The following DGCR2 variants were observed in gnomAD, a reference collection of about 807,000 sequenced individuals.
DGCR2 encodes the protein DiGeorge syndrome critical region gene 2.
In DGCR2, 24 loss-of-function variants were observed where a neutral mutation model predicts 51.6. That is an observed-to-expected ratio of 0.47 (90% CI 0.34 to 0.65). DGCR2 has a LOEUF of 0.65. Among genes scored for constraint, DGCR2 ranks in the 30% least tolerant of loss-of-function variants. The pLI, the probability that DGCR2 is intolerant of heterozygous loss-of-function variation, is 0.01. For synonymous variants in DGCR2, 340 were observed against 315.4 expected, an observed-to-expected ratio of 1.08 and a Z score of -0.82; for missense variants, 765 against 772.1, an observed-to-expected ratio of 0.99 and a Z score of 0.11.
intron 2 of DGCR2, among the ~76,000 whole-genome samples, chr22:19,075,407 A>C (rs994132976): frequency 6.6e-6 from 1 of 151,964 alleles, no homozygotes; most frequent in Non-Finnish European, 1.5e-5. Context: ...AGATCGTGCC[A>C]CTGCACTCCA....
At chr22:19,082,053 GGGTTTTTTTT>G (rs1233522687) in intron 2 of DGCR2, among the ~76,000 whole-genome samples, 3 of 130,076 alleles carry the variant, frequency 2.3e-5, no homozygotes, top group African/African-American at 5.5e-5. Context: ...GTGTTTTTTG[GGGTTTTTTTT>G]GTTTTTTTTT....
chr22:19,060,368 G>A (rs1056271485), intron 5 of DGCR2, among the ~76,000 whole-genome samples: 1 of 152,190 alleles, frequency 6.6e-6, no homozygotes, highest in African/African-American at 2.4e-5. Context: ...GATTTTGGGG[G>A]AGAAAAGAAG....
At chr22:19,120,562 G>A (rs2083421269) in intron 1 of DGCR2, among the ~76,000 whole-genome samples, 1 of 152,166 alleles carries the variant, frequency 6.6e-6, no homozygotes, top group Admixed American at 6.5e-5. Context: ...GAAAAGGCTG[G>A]CAAGGAAAAA....
chr22:19,068,519 G>C (rs930880268), intron 2 of DGCR2, among the ~76,000 whole-genome samples: 2 of 152,234 alleles, frequency 1.3e-5, no homozygotes, highest in Non-Finnish European at 2.9e-5. Context: ...GCACAGCAAA[G>C]GGTCCTGCAT....
chr22:19,062,773 A>ATTCTCTCTCTC (rs1248707469), intron 5 of DGCR2, among the ~76,000 whole-genome samples: 1 of 113,172 alleles, frequency 8.8e-6, no homozygotes, highest in Non-Finnish European at 2.0e-5. Flanking sequence ...ACACACATGC[A>ATTCTCTCTCTC]TGCTCACTCT....
chr22:19,095,699 T>C (rs2083132321), intron 1 of DGCR2, among the ~76,000 whole-genome samples: 1 of 151,124 alleles, frequency 6.6e-6, no homozygotes, highest in African/African-American at 2.4e-5. Context: ...TTACACTTTA[T>C]GTATCATTTA....
At chr22:19,119,735 CAAAA>C (rs57362176) in intron 1 of DGCR2, among the ~76,000 whole-genome samples, 5 of 78,152 alleles carry the variant, frequency 6.4e-5, no homozygotes, top group Admixed American at 3.0e-4. Flanking sequence ...GACTCTGTCT[CAAAA>C]AAAAAAAAAA....
At chr22:19,042,018 G>C in intron 7 of DGCR2, 59 bp from the exon 8 acceptor site, 1 of 1,559,884 alleles carries the variant, frequency 6.4e-7, no homozygotes, top group Non-Finnish European at 8.7e-7. Flanking sequence ...GTGCTACGCT[G>C]GGGATGCTGT....
chr22:19,082,838 A>C (rs2082956059), intron 2 of DGCR2, among the ~76,000 whole-genome samples: 1 of 152,046 alleles, frequency 6.6e-6, no homozygotes. Context: ...CCCGTAATCC[A>C]GGCACTCTGG....
chr22:19,060,563 C>G (rs1205208906), intron 5 of DGCR2: 2 of 179,078 alleles, frequency 1.1e-5, no homozygotes, highest in South Asian at 2.0e-4. Context: ...AAGTATGACT[C>G]ACCAGACAGA....
chr22:19,075,678 T>C (rs1165639001), intron 2 of DGCR2, among the ~76,000 whole-genome samples: 5 of 152,218 alleles, frequency 3.3e-5, no homozygotes, highest in Non-Finnish European at 7.3e-5. Context: ...AATGGAAACA[T>C]ACAGTATTTG....
rs189391867 is a variant in DGCR2, at chr22:19,087,857, G to T, written c.202+1511C>A. Among the ~76,000 whole-genome samples the T allele has an allele frequency of 2.0e-5, 3 of 152,078 alleles. No homozygotes were observed. In the East Asian group the frequency reaches 5.8e-4, roughly 29 times the overall value. ...GCAGCACCACACCTGGCCAATTTTT[G>T]TATTTTTATTAGAAACGGGGTTTCA... On this transcript the variant is annotated intron_variant, in intron 2 of 9. Coordinates refer to ENST00000263196, the MANE Select transcript of DGCR2 (RefSeq NM_005137.3).
chr22:19,094,198 T>G lies in DGCR2; in HGVS notation c.80-4708A>C, dbSNP rs568153037. 1.6e-3 allele frequency among the ~76,000 whole-genome samples: 244 copies of G among 152,286 alleles called. 3 individuals are homozygous for G. The highest frequency in any genetic ancestry group is 5.7e-3 in the African/African-American group (236 of 41,562). ...ATCCCAACACTTTGGGAGGCTGAGG[T>G]GGGTGGATCACCTGAGGTTAAGAGT... On this transcript the variant is annotated intron_variant, in intron 1 of 9. Transcript: ENST00000263196.
chr22:19,096,144 G>A (rs1198792722), intron 1 of DGCR2, among the ~76,000 whole-genome samples: 1 of 152,058 alleles, frequency 6.6e-6, no homozygotes, highest in East Asian at 1.9e-4. Flanking sequence ...TGTATTCTAG[G>A]TCTTCAGTTT....
At chr22:19,101,651 G>A (rs540650090) in intron 1 of DGCR2, among the ~76,000 whole-genome samples, 1 of 149,238 alleles carries the variant, frequency 6.7e-6, no homozygotes, top group African/African-American at 2.5e-5. Flanking sequence ...TGAGGCACAA[G>A]AATCACTTGA....
intron 2 of DGCR2, among the ~76,000 whole-genome samples, chr22:19,069,292 A>C (rs1194949806): frequency 6.6e-6 from 1 of 152,232 alleles, no homozygotes; most frequent in African/African-American, 2.4e-5. Flanking sequence ...CTGAACCGGC[A>C]GTCAGCGCCA....
chr22:19,087,636 C>T (rs140361761), intron 2 of DGCR2, among the ~76,000 whole-genome samples: 16 of 150,586 alleles, frequency 1.1e-4, no homozygotes, highest in Non-Finnish European at 1.5e-4. Context: ...GCCTCGGCCT[C>T]CAAAAGTGTT....
intron 2 of DGCR2, among the ~76,000 whole-genome samples, chr22:19,069,849 T>C (rs556283087): frequency 3.3e-5 from 5 of 152,300 alleles, no homozygotes; most frequent in Admixed American, 2.0e-4. Flanking sequence ...AGGCATGTGA[T>C]GGGGATGGGT....
chr22:19,093,997 T>C (rs2083109863), intron 1 of DGCR2, among the ~76,000 whole-genome samples: 1 of 148,338 alleles, frequency 6.7e-6, no homozygotes, highest in African/African-American at 2.4e-5. Flanking sequence ...CAGCAAGACC[T>C]CCCCAACTCT....
Sources: gnomAD v4.1 joint callset for allele counts (sites outside exome capture counted in the v4.1 genomes callset) on GRCh38, gnomAD v4.1.1 for gene constraint, MANE v1.5 for transcripts, NCBI Gene and HGNC (gene_info 2026-07-23, HGNC 2026-07-21) for gene names.